DUSP16: variants seen among roughly 807,000 people sequenced by gnomAD.
DUSP16 encodes dual specificity phosphatase 16.
DUSP16 carries 21 observed loss-of-function variants against 58.3 expected under a neutral mutation model. The ratio of observed to expected loss-of-function variants is 0.36; its 90% CI spans 0.26 to 0.52. DUSP16 has a LOEUF of 0.52. Ranked by LOEUF, DUSP16 falls within the 20% of genes least tolerant of loss-of-function variation. The pLI is 0.94. For missense variants in DUSP16, 726 were observed against 819.0 expected, an observed-to-expected ratio of 0.89 and a Z score of 1.39; for synonymous variants, 320 against 323.8, an observed-to-expected ratio of 0.99 and a Z score of 0.12.
chr12:12,527,810 C>T (rs1251233641), intron 1 of DUSP16, among the ~76,000 whole-genome samples: 2 of 152,092 alleles, frequency 1.3e-5, no homozygotes, highest in Non-Finnish European at 1.5e-5. Context: ...AGCAGTTATC[C>T]GCACCGTAGA....
At chr12:12,513,872 C>A (rs1415759055) in intron 3 of DUSP16, among the ~76,000 whole-genome samples, 2 of 152,120 alleles carry the variant, frequency 1.3e-5, no homozygotes, top group African/African-American at 4.8e-5. Flanking sequence ...TACTTCTAAT[C>A]TGGCGCTCTT....
Position 12,495,934 on chromosome 12 carries a change from T to C in DUSP16, c.531+4585A>G, listed in dbSNP as rs1943821590. Reference sequence around the variant, plus strand: ...ACAAGTGTCCCTATAAACCAGGAACTGTGCTTGGCATATGCCATTTCATTT... The same window carrying C: ...ACAAGTGTCCCTATAAACCAGGAACCGTGCTTGGCATATGCCATTTCATTT... On this transcript the variant is annotated intron_variant, in intron 4 of 6. Transcript: ENST00000298573. Among the ~76,000 whole-genome samples, 6 of 152,348 alleles carry C rather than the reference T, an allele frequency of 3.9e-5. No individual in the cohort carries two copies. In the South Asian group the frequency reaches 1.2e-3, roughly 32 times the overall value.
At chr12:12,550,786 A>T (rs759343607) in intron 1 of DUSP16, among the ~76,000 whole-genome samples, 4 of 151,838 alleles carry the variant, frequency 2.6e-5, no homozygotes, top group Non-Finnish European at 5.9e-5. Flanking sequence ...GAAATACCTA[A>T]TGTAGATGAC....
At chr12:12,500,408 G>T in intron 4 of DUSP16, 111 bp downstream of exon 4, 1 of 1,283,504 alleles carries the variant, frequency 7.8e-7, no homozygotes, top group South Asian at 1.6e-5. Context: ...ACTGAGAATG[G>T]CATAGCAGCT....
chr12:12,547,552 A>G (rs889271233), intron 1 of DUSP16, among the ~76,000 whole-genome samples: 3 of 149,646 alleles, frequency 2.0e-5, no homozygotes, highest in Middle Eastern at 3.4e-3. Context: ...AAAAAAAAAA[A>G]AAAAAGCAAA....
intron 5 of DUSP16, among the ~76,000 whole-genome samples, chr12:12,486,198 G>A (rs1398053029): frequency 6.6e-6 from 1 of 151,760 alleles, no homozygotes; most frequent in Non-Finnish European, 1.5e-5. Flanking sequence ...GTAACTGGGG[G>A]AAAAAAAATT....
intron 1 of DUSP16, among the ~76,000 whole-genome samples, chr12:12,525,720 AAATAT>A (rs1944296301): frequency 7.2e-6 from 1 of 139,226 alleles, no homozygotes; most frequent in Non-Finnish European, 1.6e-5. Flanking sequence ...AAAAAATTAA[AAATAT>A]ATGTATACAC....
chr12:12,521,127 CCTT>C lies in DUSP16; in HGVS notation c.-32_-30del, dbSNP rs1944230340. The C allele has an allele frequency of 1.2e-6, 2 of 1,607,264 alleles. No homozygotes were observed. Among genetic ancestry groups the C allele is most frequent in the Admixed American group, 3.4e-5 (2 of 58,942 alleles). On this transcript the variant is annotated 5_prime_UTR_variant, in exon 2 of 7. Transcript: ENST00000298573. ...AACAATAAGTCCTCTTTTCCCACCT[CCTT>C]CTTTAATTTGCCACGATGATGTAAT...
Position 12,500,515 on chromosome 12 carries a change from C to A in DUSP16, c.531+4G>T. The A allele has an allele frequency of 6.3e-7, 1 of 1,597,844 alleles. No individual in the cohort carries two copies. Among genetic ancestry groups the A allele is most frequent in the South Asian group, 1.1e-5 (1 of 87,924 alleles). Reference sequence around the variant, plus strand: ...GCAATGAAGGATATTTTCAAAGCACCCACCTTGTTGAGGACATCTCGCTGG... The same window carrying A: ...GCAATGAAGGATATTTTCAAAGCACACACCTTGTTGAGGACATCTCGCTGG... On this transcript the variant is annotated splice_donor_region_variant and intron_variant, in intron 4 of 6. Coordinates refer to ENST00000298573, the MANE Select transcript of DUSP16 (RefSeq NM_030640.3).
chr12:12,490,610 C>T (rs185891602), intron 4 of DUSP16, among the ~76,000 whole-genome samples: 30 of 152,270 alleles, frequency 2.0e-4, no homozygotes, highest in Non-Finnish European at 3.8e-4. Context: ...ATTTCTGATG[C>T]AGGACCACAG....
chr12:12,494,002 T>C (rs1943796096), intron 4 of DUSP16, among the ~76,000 whole-genome samples: 2 of 152,202 alleles, frequency 1.3e-5, no homozygotes, highest in African/African-American at 2.4e-5. Flanking sequence ...GTTTGGCACA[T>C]GGTAGAGGCT....
chr12:12,532,384 G>C (rs1025017636), intron 1 of DUSP16, among the ~76,000 whole-genome samples: 2 of 152,130 alleles, frequency 1.3e-5, no homozygotes, highest in African/African-American at 4.8e-5. Flanking sequence ...ATGATATATT[G>C]AGAATAAAGT....
In DUSP16 at chr12:12,481,184, T is replaced by C. The variant is rs567219506; in HGVS notation, c.692-838A>G. Reference sequence around the variant, plus strand: ...CTTGATACCAGGAGTTATTGTCTTATGGCATTATCTCAATTCCCCACAACA... The same window carrying C: ...CTTGATACCAGGAGTTATTGTCTTACGGCATTATCTCAATTCCCCACAACA... On this transcript the variant is annotated intron_variant, in intron 5 of 6. Transcript: ENST00000298573. Among the ~76,000 whole-genome samples the C allele has an allele frequency of 4.6e-5, 7 of 152,306 alleles. No individual in the cohort carries two copies. The East Asian group carries it at 1.3e-3, about 29-fold the overall frequency.
At chr12:12,500,376 G>T in intron 4 of DUSP16, 143 bp downstream of exon 4, 1 of 919,698 alleles carries the variant, frequency 1.1e-6, no homozygotes, top group Non-Finnish European at 1.6e-6. Context: ...AAGAGATGAC[G>T]CAACTGTTAC....
At chr12:12,547,375 G>A (rs1467962753) in intron 1 of DUSP16, among the ~76,000 whole-genome samples, 4 of 150,112 alleles carry the variant, frequency 2.7e-5, no homozygotes, top group East Asian at 2.0e-4. Flanking sequence ...GCAGTGAGCC[G>A]AGATAGCGCC....
chr12:12,494,299 A>G (rs1565990766), intron 4 of DUSP16, among the ~76,000 whole-genome samples: 1 of 152,324 alleles, frequency 6.6e-6, no homozygotes, highest in East Asian at 1.9e-4. Flanking sequence ...ATGTTTAAGG[A>G]CATGTACATT....
At chr12:12,509,632 T>C (rs1008467428) in intron 3 of DUSP16, among the ~76,000 whole-genome samples, 12 of 152,224 alleles carry the variant, frequency 7.9e-5, no homozygotes, top group African/African-American at 2.9e-4. Flanking sequence ...CCCGTCTTAC[T>C]TCTCCAGCTA....
At chr12:12,550,998 T>G (rs937636602) in intron 1 of DUSP16, among the ~76,000 whole-genome samples, 2 of 152,090 alleles carry the variant, frequency 1.3e-5, no homozygotes, top group Admixed American at 1.3e-4. Context: ...ATATTCTGTA[T>G]GATGAAATAG....
At chr12:12,538,026 C>T (rs564936370) in intron 1 of DUSP16, among the ~76,000 whole-genome samples, 5 of 152,228 alleles carry the variant, frequency 3.3e-5, no homozygotes, top group African/African-American at 1.2e-4. Flanking sequence ...GATAAAAATG[C>T]CCAACCAGGC....
Sources: gnomAD v4.1 joint callset for allele counts (sites outside exome capture counted in the v4.1 genomes callset) on GRCh38, gnomAD v4.1.1 for gene constraint, MANE v1.5 for transcripts, NCBI Gene and HGNC (gene_info 2026-07-23, HGNC 2026-07-21) for gene names.